Variants in TSPAN12 observed in about 807,000 individuals in gnomAD.
TSPAN12 encodes the protein tetraspanin 12.
Under a neutral mutation model 39.2 loss-of-function variants are expected in TSPAN12, and 19 were observed. The ratio of observed to expected loss-of-function variants is 0.49; its 90% CI spans 0.34 to 0.71. The LOEUF is 0.71. Among genes scored for constraint, TSPAN12 ranks in the 30% least tolerant of loss-of-function variants. The pLI, the probability that TSPAN12 is intolerant of heterozygous loss-of-function variation, is 0.01. For missense variants in TSPAN12, 314 were observed against 359.9 expected (o/e 0.87, Z 1.03); for synonymous variants, 119 against 124.8 (o/e 0.95, Z 0.31).
intron 4 of TSPAN12, among the ~76,000 whole-genome samples, chr7:120,827,100 A>C (rs1323216711): frequency 1.3e-5 from 2 of 152,218 alleles, no homozygotes; most frequent in Non-Finnish European, 2.9e-5. Context: ...ACGTTAGATT[A>C]GGCGAAAGAA....
intron 6 of TSPAN12, among the ~76,000 whole-genome samples, chr7:120,810,070 T>G (rs916403899): frequency 6.6e-6 from 1 of 152,110 alleles, no homozygotes; most frequent in African/African-American, 2.4e-5. Context: ...AAGTCCCAAA[T>G]GAGAACAATC....
chr7:120,854,016 G>C (rs1475959826), intron 2 of TSPAN12, among the ~76,000 whole-genome samples: 1 of 152,002 alleles, frequency 6.6e-6, no homozygotes, highest in Non-Finnish European at 1.5e-5. Flanking sequence ...ATATGAAATA[G>C]TTAATGAATA....
Position 120,788,729 on chromosome 7 carries a change from T to A in TSPAN12, c.781A>T (p.Met261Leu), listed in dbSNP as rs1793458721. 1 of 1,614,042 alleles carries A rather than the reference T, an allele frequency of 6.2e-7. No homozygotes were observed. Among genetic ancestry groups the A allele is most frequent in the Non-Finnish European group, 8.5e-7 (1 of 1,180,026 alleles). Residue 261 changes from methionine (M) to leucine (L), a missense_variant, in exon 8 of 8, where the codon ATG becomes TTG. Coordinates refer to ENST00000222747, the MANE Select transcript of TSPAN12 (RefSeq NM_012338.4). ...TGAGAGTTGTCATTCTTCAAGGACA[T>A]CATTTGGTCTGTCCCCGGCTCCCTT... ...DRREPGTDQM[M>L]SLKNDNSQHL...
At chr7:120,799,630 ATTATATATACT>A (rs1562938320) in intron 7 of TSPAN12, among the ~76,000 whole-genome samples, 1 of 98,742 alleles carries the variant, frequency 1.0e-5, no homozygotes, top group East Asian at 2.8e-4. Context: ...AAATATAATT[ATTATATATACT>A]TATATATAAT....
intron 4 of TSPAN12, among the ~76,000 whole-genome samples, chr7:120,827,299 T>G (rs1438393455): frequency 6.6e-6 from 1 of 152,242 alleles, no homozygotes; most frequent in Non-Finnish European, 1.5e-5. Context: ...TAGTTTCGTT[T>G]AAATTTTACA....
chr7:120,805,496 G>A (rs565251528), intron 7 of TSPAN12, among the ~76,000 whole-genome samples: 8 of 152,084 alleles, frequency 5.3e-5, no homozygotes, highest in Non-Finnish European at 1.0e-4. Flanking sequence ...ATTCTTTATA[G>A]CCCTACTATA....
At chr7:120,793,351 G>A (rs1793570211) in intron 7 of TSPAN12, among the ~76,000 whole-genome samples, 1 of 152,218 alleles carries the variant, frequency 6.6e-6, no homozygotes. Flanking sequence ...GCCCAGAAAT[G>A]TAGACATGCA....
intron 1 of TSPAN12, among the ~76,000 whole-genome samples, chr7:120,857,511 G>A (rs994609996): frequency 8.0e-5 from 12 of 149,212 alleles, no homozygotes; most frequent in South Asian, 2.1e-4. Context: ...TGGGCGGGGG[G>A]CGGGGGGCGC....
chr7:120,827,836 T>G (rs900295389), intron 4 of TSPAN12, among the ~76,000 whole-genome samples: 1 of 152,206 alleles, frequency 6.6e-6, no homozygotes, highest in Non-Finnish European at 1.5e-5. Flanking sequence ...TTAAGAAAAG[T>G]CTTTTCCCTG....
At chr7:120,816,360 G>A (rs878931450) in intron 4 of TSPAN12, among the ~76,000 whole-genome samples, 7 of 93,850 alleles carry the variant, frequency 7.5e-5, no homozygotes, top group South Asian at 5.2e-4. Context: ...TAAGGCATGC[G>A]CAGGCAAAAA....
chr7:120,847,753 T>C (rs1160301753), intron 2 of TSPAN12, among the ~76,000 whole-genome samples: 3 of 152,202 alleles, frequency 2.0e-5, no homozygotes, highest in Admixed American at 2.0e-4. Flanking sequence ...ATAATAGAAC[T>C]CTTCAGCTCA....
intron 4 of TSPAN12, among the ~76,000 whole-genome samples, chr7:120,833,258 T>A (rs1394547512): frequency 1.3e-5 from 2 of 152,122 alleles, no homozygotes; most frequent in Admixed American, 6.6e-5. Context: ...ACTTAATAGG[T>A]TAATTTTAAC....
chr7:120,851,651 T>G (rs999806537), intron 2 of TSPAN12, among the ~76,000 whole-genome samples: 1 of 152,190 alleles, frequency 6.6e-6, no homozygotes, highest in Non-Finnish European at 1.5e-5. Flanking sequence ...AAGCTCTCAT[T>G]TCTTTAAATA....
chr7:120,812,885 C>A (rs115021213), intron 5 of TSPAN12, among the ~76,000 whole-genome samples: 3 of 151,638 alleles, frequency 2.0e-5, no homozygotes, highest in East Asian at 1.9e-4. Flanking sequence ...ATGAGCAGTA[C>A]AAAAAAAACC....
At chr7:120,808,402 T>C (rs892051223) in intron 6 of TSPAN12, among the ~76,000 whole-genome samples, 1 of 152,166 alleles carries the variant, frequency 6.6e-6, no homozygotes, top group Non-Finnish European at 1.5e-5. Flanking sequence ...CCCAACATCA[T>C]ACCAACATAT....
chr7:120,807,092 T>C (rs182345791), intron 6 of TSPAN12, among the ~76,000 whole-genome samples: 26 of 152,208 alleles, frequency 1.7e-4, no homozygotes, highest in Admixed American at 1.2e-3. Context: ...GCCCAACATA[T>C]TCAAATATTA....
In TSPAN12 at chr7:120,814,357, C is replaced by T. The variant is rs563538785; in HGVS notation, c.360+1372G>A. Reference sequence around the variant, plus strand: ...CAGATGCAAATGCCCAGTCCTTGCCCGTTCCTCCCTGCCTTCCCCTCCATT... The same window carrying T: ...CAGATGCAAATGCCCAGTCCTTGCCTGTTCCTCCCTGCCTTCCCCTCCATT... On this transcript the variant is annotated intron_variant, in intron 5 of 7. Coordinates refer to ENST00000222747, the MANE Select transcript of TSPAN12 (RefSeq NM_012338.4). The T allele has an allele frequency of 1.5e-4, 66 of 435,906 alleles. 1 individual carries two copies. The highest frequency in any genetic ancestry group is 1.1e-3 in the South Asian group (64 of 60,432). 27.0% of individuals were successfully genotyped at this position (435,906 alleles called of 1,614,324 possible).
chr7:120,855,764 T>C (rs1266625681), intron 2 of TSPAN12, among the ~76,000 whole-genome samples: 1 of 152,110 alleles, frequency 6.6e-6, no homozygotes, highest in Non-Finnish European at 1.5e-5. Flanking sequence ...CCACATGTAA[T>C]AGCCCTATGA....
rs80170785 is a variant in TSPAN12 at position 120,804,048 on chromosome 7, T to C, written c.612+2501A>G. ...TCATGATCAATAGTAGTTATAATCA[T>C]ATCATCAGTATTAATCACTAAAGCA... On this transcript the variant is annotated intron_variant, in intron 7 of 7. Coordinates refer to ENST00000222747, the MANE Select transcript of TSPAN12 (RefSeq NM_012338.4). Among the ~76,000 whole-genome samples the C allele has an allele frequency of 9.2e-3, 1,404 of 152,266 alleles. 25 individuals are homozygous for C. Among genetic ancestry groups the C allele is most frequent in the African/African-American group, 0.032 (1,324 of 41,566 alleles).
Sources: gnomAD v4.1 joint callset for allele counts (sites outside exome capture counted in the v4.1 genomes callset) on GRCh38, gnomAD v4.1.1 for gene constraint, MANE v1.5 for transcripts, NCBI Gene and HGNC (gene_info 2026-07-23, HGNC 2026-07-21) for gene names.